The following TENM4 variants were observed in gnomAD, a reference collection of about 807,000 sequenced individuals.
TENM4 encodes teneurin transmembrane protein 4, also known as teneurin-4.
A neutral mutation model predicts 243.3 loss-of-function variants in TENM4; 82 were observed. That is an observed-to-expected ratio of 0.34 (90% CI 0.28 to 0.40). TENM4 has a LOEUF of 0.40. Among genes scored for constraint, TENM4 ranks in the 10% least tolerant of loss-of-function variants. The pLI, the probability that TENM4 is intolerant of heterozygous loss-of-function variation, is 1.00. For missense variants in TENM4, 3,138 were observed against 3,673.3 expected (o/e 0.85, Z 3.77); for synonymous variants, 1,412 against 1,456.3 (o/e 0.97, Z 0.69).
At chr11:79,397,826 T>C (rs1002918915) in intron 1 of TENM4, among the ~76,000 whole-genome samples, 5 of 152,174 alleles carry the variant, frequency 3.3e-5, no homozygotes, top group Admixed American at 3.3e-4. Flanking sequence ...TTCTGGGGCT[T>C]GTGAGCAATC....
At chr11:79,358,259 T>C (rs1211165158) in intron 1 of TENM4, among the ~76,000 whole-genome samples, 2 of 152,194 alleles carry the variant, frequency 1.3e-5, no homozygotes, top group Non-Finnish European at 2.9e-5. Flanking sequence ...GGAAATTAAA[T>C]GATAAATATT....
intron 3 of TENM4, among the ~76,000 whole-genome samples, chr11:79,195,119 C>A (rs1863597350): frequency 6.6e-6 from 1 of 152,212 alleles, no homozygotes; most frequent in Non-Finnish European, 1.5e-5. Context: ...CCTGTGGGTA[C>A]ACAGAGTCAA....
chr11:79,138,212 A>G (rs1862150457), intron 4 of TENM4, among the ~76,000 whole-genome samples: 1 of 148,148 alleles, frequency 6.8e-6, no homozygotes, highest in Admixed American at 7.0e-5. Flanking sequence ...CAAATTCTTC[A>G]GTTTTGGAAC....
chr11:79,416,838 C>T (rs561010012), intron 1 of TENM4, among the ~76,000 whole-genome samples: 1 of 150,902 alleles, frequency 6.6e-6, no homozygotes, highest in Non-Finnish European at 1.5e-5. Flanking sequence ...TCTTCTATCT[C>T]AGGTACAGTT....
chr11:79,157,808 G>A (rs575817905), intron 3 of TENM4, among the ~76,000 whole-genome samples: 16 of 152,198 alleles, frequency 1.1e-4, no homozygotes, highest in East Asian at 9.6e-4. Flanking sequence ...TGTTGGTCCC[G>A]CTACTGTGAA....
intron 1 of TENM4, among the ~76,000 whole-genome samples, chr11:79,339,018 C>T (rs552635227): frequency 2.4e-4 from 36 of 152,294 alleles, no homozygotes; most frequent in Admixed American, 3.3e-4. Flanking sequence ...GTGTTGGCAA[C>T]GCCTGCTCAA....
At chr11:78,979,601 G>A (rs891023232) in intron 6 of TENM4, among the ~76,000 whole-genome samples, 1 of 152,210 alleles carries the variant, frequency 6.6e-6, no homozygotes, top group African/African-American at 2.4e-5. Flanking sequence ...GCAGTGGGCT[G>A]GTTAGAGTGT....
At chr11:79,185,228 G>A (rs1863359981) in intron 3 of TENM4, among the ~76,000 whole-genome samples, 1 of 152,090 alleles carries the variant, frequency 6.6e-6, no homozygotes, top group Admixed American at 6.5e-5. Flanking sequence ...AGCCCTGAGT[G>A]TTGAGGCTGC....
intron 6 of TENM4, among the ~76,000 whole-genome samples, chr11:79,053,740 G>A (rs1184934928): frequency 6.6e-6 from 1 of 152,168 alleles, no homozygotes; most frequent in Middle Eastern, 3.2e-3. Context: ...TCCTGAAAGA[G>A]ATATTTTGTG....
At chr11:78,824,388 G>A (rs977468094) in intron 12 of TENM4, among the ~76,000 whole-genome samples, 3 of 152,096 alleles carry the variant, frequency 2.0e-5, no homozygotes, top group African/African-American at 2.4e-5. Flanking sequence ...ACCAGATCTC[G>A]GGAGAACTCA....
At chr11:79,158,984 C>G (rs1291436130) in intron 3 of TENM4, among the ~76,000 whole-genome samples, 4 of 152,180 alleles carry the variant, frequency 2.6e-5, no homozygotes, top group African/African-American at 9.7e-5. Flanking sequence ...AGCCCCTGTT[C>G]TTCGCAGCCA....
At chr11:79,123,410 C>G (rs1016526931) in intron 4 of TENM4, among the ~76,000 whole-genome samples, 2 of 152,130 alleles carry the variant, frequency 1.3e-5, no homozygotes, top group Non-Finnish European at 2.9e-5. Context: ...AAGGTATATG[C>G]CCTAAACCAC....
chr11:79,319,645 T>C (rs147468385), intron 1 of TENM4, among the ~76,000 whole-genome samples: 54 of 152,132 alleles, frequency 3.5e-4, no homozygotes, highest in Non-Finnish European at 5.0e-4. Context: ...TGCTAACAGA[T>C]AACAAATGCT....
chr11:79,391,010 G>C (rs888280283), intron 1 of TENM4, among the ~76,000 whole-genome samples: 2 of 152,174 alleles, frequency 1.3e-5, no homozygotes, highest in African/African-American at 4.8e-5. Context: ...TAGTGGACAT[G>C]GTTTTTACAT....
chr11:78,936,084 C>G (rs772712713), intron 6 of TENM4, among the ~76,000 whole-genome samples: 1 of 152,170 alleles, frequency 6.6e-6, no homozygotes, highest in Non-Finnish European at 1.5e-5. Flanking sequence ...TTCATGCACA[C>G]GTTTCATCTC....
intron 6 of TENM4, among the ~76,000 whole-genome samples, chr11:79,035,191 T>C (rs1859346427): frequency 6.6e-6 from 1 of 152,170 alleles, no homozygotes; most frequent in Non-Finnish European, 1.5e-5. Context: ...CTTGGGCAAG[T>C]TCCTTGACCT....
At chr11:79,291,171 T>C (rs143685975) in intron 2 of TENM4, among the ~76,000 whole-genome samples, 2 of 152,126 alleles carry the variant, frequency 1.3e-5, no homozygotes, top group Non-Finnish European at 2.9e-5. Flanking sequence ...ATTGGTGACA[T>C]CCAGGTGACT....
At chr11:78,697,172 A>G (rs149318993) in intron 28 of TENM4, among the ~76,000 whole-genome samples, 51 of 152,162 alleles carry the variant, frequency 3.4e-4, no homozygotes, top group African/African-American at 1.2e-3. Flanking sequence ...GACCTGCCCA[A>G]TTGCTACAGC....
At chr11:79,155,932 C>G (rs1862605971) in intron 3 of TENM4, among the ~76,000 whole-genome samples, 1 of 152,024 alleles carries the variant, frequency 6.6e-6, no homozygotes, top group African/African-American at 2.4e-5. Flanking sequence ...CCCCACCCTT[C>G]CCACCTGCCA....
Sources: allele counts gnomAD v4.1 joint callset (sites outside exome capture counted in the v4.1 genomes callset), GRCh38; gene constraint gnomAD v4.1.1; transcripts MANE v1.5; gene names NCBI Gene and HGNC (gene_info 2026-07-23, HGNC 2026-07-21).